Variants in ITCH observed in about 807,000 individuals in gnomAD.
ITCH encodes the protein E3 ubiquitin-protein ligase Itchy homolog.
ITCH carries 28 observed loss-of-function variants against 126.8 expected under a neutral mutation model. The ratio of observed to expected loss-of-function variants is 0.22; its 90% CI spans 0.16 to 0.30. The LOEUF (loss-of-function observed/expected upper bound fraction) is 0.30. Among genes scored for constraint, ITCH ranks in the 10% least tolerant of loss-of-function variants. The probability of loss-of-function intolerance (pLI) is 1.00; values close to 1 mark genes in which losing one functional copy is unlikely to be tolerated. For synonymous variants in ITCH, 342 were observed against 340.0 expected (o/e 1.01, Z -0.06); for missense variants, 631 against 1,032.4 (o/e 0.61, Z 5.33).
intron 2 of ITCH, among the ~76,000 whole-genome samples, chr20:34,370,252 A>T (rs1216109177): frequency 1.3e-5 from 2 of 152,210 alleles, no homozygotes; most frequent in African/African-American, 4.8e-5. Context: ...CTCAGTTTAT[A>T]CATCTGTAAA....
intron 10 of ITCH, 102 bp from the exon 11 acceptor site, chr20:34,445,185 A>T: frequency 8.2e-7 from 1 of 1,218,202 alleles, no homozygotes; most frequent in African/African-American, 1.5e-5. Flanking sequence ...TACATAAAAG[A>T]CTCCAGATAA....
chr20:34,372,594 A>G (rs1263653550), intron 2 of ITCH, among the ~76,000 whole-genome samples: 2 of 151,638 alleles, frequency 1.3e-5, no homozygotes, highest in Non-Finnish European at 2.9e-5. Flanking sequence ...GCTAGCCAGG[A>G]TGGTCTCGAT....
chr20:34,379,619 G>C (rs1306214952), intron 2 of ITCH, among the ~76,000 whole-genome samples: 2 of 147,882 alleles, frequency 1.4e-5, no homozygotes, highest in Non-Finnish European at 3.0e-5. Flanking sequence ...TTTTTAGACG[G>C]AGTCTCGCTC....
chr20:34,370,273 AT>A (rs1165586993), intron 2 of ITCH, among the ~76,000 whole-genome samples: 1 of 152,186 alleles, frequency 6.6e-6, no homozygotes, highest in African/African-American at 2.4e-5. Flanking sequence ...ATAGGTAAGT[AT>A]TGATTCCTGT....
intron 1 of ITCH, among the ~76,000 whole-genome samples, chr20:34,365,964 C>T (rs117307209): frequency 6.6e-6 from 1 of 151,988 alleles, no homozygotes; most frequent in African/African-American, 2.4e-5. Context: ...AGCTTTGAGA[C>T]GAAAGAGGAA....
chr20:34,476,306 C>G, intron 16 of ITCH: 1 of 999,096 alleles, frequency 1.0e-6, no homozygotes, highest in Non-Finnish European at 1.6e-6. Context: ...CGCGCCCCTG[C>G]CGACACGCTC....
chr20:34,417,484 C>G lies in ITCH; in HGVS notation c.475+3605C>G, dbSNP rs374197489. On this transcript the variant is annotated intron_variant, in intron 6 of 24. Coordinates refer to ENST00000374864, the MANE Select transcript of ITCH (RefSeq NM_031483.7). The stretch of plus-strand genomic sequence containing the variant: ...GCACGATCTCGGCTCACTACAACCT[C>G]TGCCTCCCGGGTTCAAGCAGTTCTC... Among the ~76,000 whole-genome samples, 6 of 150,692 alleles carry G rather than the reference C, an allele frequency of 4.0e-5. No individual in the cohort carries two copies. The South Asian group carries it at 1.3e-3, about 31-fold the overall frequency.
rs2146030506 is a variant in ITCH at position 34,383,400 on chromosome 20, C to T, written c.-21-10391C>T. ...TTTTTTTTTGAGACAGAGTTTTGCT[C>T]TTGTTGCTCAGGCTGGAGTGCAATG... On this transcript the variant is annotated intron_variant, in intron 2 of 24. Coordinates refer to ENST00000374864, the MANE Select transcript of ITCH (RefSeq NM_031483.7). Among the ~76,000 whole-genome samples, 4 of 128,808 alleles carry T rather than the reference C, an allele frequency of 3.1e-5. No homozygotes were observed. In the South Asian group the frequency reaches 7.4e-4, roughly 24 times the overall value. 84.5% of individuals were successfully genotyped at this position (128,808 alleles called of 152,430 possible). A position where few individuals can be genotyped will look rare whatever the true frequency, so the allele number is the denominator to read the frequency against.
chr20:34,504,362 A>T lies in ITCH; in HGVS notation c.2448A>T (p.Glu816Asp). The change falls in exon 24 of 25, where the codon GAA (glutamate) becomes GAT (aspartate). Residue 816 changes from glutamate (E) to aspartate (D), a missense_variant. Transcript: ENST00000374864. ...ATGGACCACAGAAATTCTGCATTGA[A>T]AAAGTTGGGAAAGAAAATTGGCTAC... ...GSNGPQKFCI[E>D]KVGKENWLPR... is the part of the protein sequence containing the mutation. 1 of 1,613,662 alleles carries T rather than the reference A, an allele frequency of 6.2e-7. No individual in the cohort carries two copies. Among genetic ancestry groups the T allele is most frequent in the Non-Finnish European group, 8.5e-7 (1 of 1,179,568 alleles).
chr20:34,379,064 A>G (rs1414741657), intron 2 of ITCH, among the ~76,000 whole-genome samples: 1 of 152,202 alleles, frequency 6.6e-6, no homozygotes, highest in Non-Finnish European at 1.5e-5. Context: ...TGAAATGTGC[A>G]GAACCCTGCT....
At chr20:34,420,184 T>C (rs2146205072) in intron 6 of ITCH, among the ~76,000 whole-genome samples, 1 of 152,306 alleles carries the variant, frequency 6.6e-6, no homozygotes, top group Admixed American at 6.5e-5. Flanking sequence ...GTGATACACA[T>C]CCACCATCTG....
chr20:34,498,038 G>T (rs1990002992), intron 23 of ITCH, among the ~76,000 whole-genome samples: 1 of 152,182 alleles, frequency 6.6e-6, no homozygotes, highest in African/African-American at 2.4e-5. Context: ...AGTTTTTGCT[G>T]TAGAGATCGT....
At chr20:34,412,697 T>G (rs1979210236) in intron 5 of ITCH, 58 bp downstream of exon 5, 3 of 1,433,046 alleles carry the variant, frequency 2.1e-6, no homozygotes, top group East Asian at 2.3e-5. Flanking sequence ...TGGAAGAAAT[T>G]TATATGTCAA....
chr20:34,399,862 C>T (rs1388909068), intron 3 of ITCH, among the ~76,000 whole-genome samples: 2 of 152,034 alleles, frequency 1.3e-5, no homozygotes, highest in Admixed American at 1.3e-4. Flanking sequence ...CTGAAGCAAT[C>T]CTCTCTCCTC....
intron 2 of ITCH, among the ~76,000 whole-genome samples, chr20:34,389,690 G>A (rs1267829097): frequency 6.6e-6 from 1 of 152,198 alleles, no homozygotes; most frequent in Admixed American, 6.5e-5. Flanking sequence ...GTCCATTAGG[G>A]ACATTATCCC....
chr20:34,372,997 G>C (rs993376650), intron 2 of ITCH, among the ~76,000 whole-genome samples: 1 of 146,552 alleles, frequency 6.8e-6, no homozygotes, highest in African/African-American at 2.5e-5. Flanking sequence ...TTTTTGAGAC[G>C]GAGTTTTTCT....
chr20:34,384,281 T>TTC (rs1475953006), intron 2 of ITCH: 15 of 143,960 alleles, frequency 1.0e-4, no homozygotes, highest in African/African-American at 3.4e-4. Flanking sequence ...CTGTAATTCT[T>TTC]TTTTTTTTTT....
chr20:34,497,193 C>A (rs573687851), intron 23 of ITCH, among the ~76,000 whole-genome samples: 6 of 152,216 alleles, frequency 3.9e-5, no homozygotes, highest in Admixed American at 3.9e-4. Flanking sequence ...GATAGGGTTT[C>A]TCTATGTTGG....
At chr20:34,477,021 G>A (rs762741861) in intron 16 of ITCH, among the ~76,000 whole-genome samples, 4 of 152,100 alleles carry the variant, frequency 2.6e-5, no homozygotes, top group Non-Finnish European at 4.4e-5. Context: ...ATCGGTTGCC[G>A]CTGAGAATGA....
Sources: gnomAD v4.1 joint callset for allele counts (sites outside exome capture counted in the v4.1 genomes callset) on GRCh38, gnomAD v4.1.1 for gene constraint, MANE v1.5 for transcripts, NCBI Gene and HGNC (gene_info 2026-07-23, HGNC 2026-07-21) for gene names.